INPP1: variants seen among roughly 807,000 people sequenced by gnomAD.
INPP1 encodes the protein inositol polyphosphate-1-phosphatase.
A neutral mutation model predicts 23.0 loss-of-function variants in INPP1; 18 were observed. That is an observed-to-expected ratio of 0.78 (90% CI 0.54 to 1.16). The LOEUF (loss-of-function observed/expected upper bound fraction) is 1.16. Ranked by LOEUF, INPP1 falls within the 50% of genes most tolerant of loss-of-function variation. The pLI is 0.00. For missense variants in INPP1, 448 were observed against 482.1 expected (o/e 0.93, Z 0.66); for synonymous variants, 164 against 176.3 (o/e 0.93, Z 0.55).
chr2:190,348,537 CA>C (rs1199354918), intron 1 of INPP1, among the ~76,000 whole-genome samples: 1 of 152,160 alleles, frequency 6.6e-6, no homozygotes, highest in Non-Finnish European at 1.5e-5. Flanking sequence ...ACCCATTAAA[CA>C]ATGACTCTAC....
rs547812681 is a variant in INPP1 at position 190,362,822 on chromosome 2, A to G, written c.265+135A>G. 1.8e-3 allele frequency: 870 copies of G among 491,926 alleles called. 4 individuals are homozygous for G. Among genetic ancestry groups the G allele is most frequent in the Non-Finnish European group, 2.5e-3 (700 of 280,916 alleles). 30.5% of individuals were successfully genotyped at this position (491,926 alleles called of 1,614,324 possible). A position where few individuals can be genotyped will look rare whatever the true frequency, so the allele number is the denominator to read the frequency against. On this transcript the variant is annotated intron_variant, in intron 4 of 6. Transcript: ENST00000392329. ...ATAATATATTTGAATGTTAAGGTTC[A>G]TTCAATTTCTACCTCAGAATATCAT...
At chr2:190,358,022 A>G (rs567569477) in intron 2 of INPP1, among the ~76,000 whole-genome samples, 14 of 150,436 alleles carry the variant, frequency 9.3e-5, no homozygotes, top group South Asian at 2.1e-4. Flanking sequence ...CATTGCATCT[A>G]TGTCTTCAGA....
intron 2 of INPP1, among the ~76,000 whole-genome samples, chr2:190,350,043 C>A (rs761239324): frequency 1.1e-4 from 17 of 152,166 alleles, no homozygotes; most frequent in Non-Finnish European, 2.2e-4. Flanking sequence ...CGGGATTTTG[C>A]CATGTTGGCC....
In INPP1 at chr2:190,370,989, G is replaced by T. The variant is rs773476623; in HGVS notation, c.787G>T (p.Val263Leu). The part of the protein sequence containing the change: ...EAAFSPSFSA[V>L]ISTSEKETIK... Reference sequence around the variant, plus strand: ...AGCATTCTCCCCCAGTTTTTCAGCCGTAATTAGTACAAGTGAAAAGGAGAC... The same window carrying T: ...AGCATTCTCCCCCAGTTTTTCAGCCTTAATTAGTACAAGTGAAAAGGAGAC... Residue 263 changes from valine (V) to leucine (L), a missense_variant, in exon 7 of 7, where the codon GTA becomes TTA. Coordinates refer to ENST00000392329, the MANE Select transcript of INPP1 (RefSeq NM_001128928.2). 1.9e-6 allele frequency: 3 copies of T among 1,614,156 alleles called. No homozygotes were observed. In the East Asian group the frequency reaches 6.7e-5, roughly 36 times the overall value.
Position 190,371,105 on chromosome 2 carries a change from C to T in INPP1, c.903C>T (p.Leu301=), listed in dbSNP as rs773177065. Residue 301 remains leucine (L), a synonymous_variant, in exon 7 of 7, where the codon CTC becomes CTT. Coordinates refer to ENST00000392329, the MANE Select transcript of INPP1 (RefSeq NM_001128928.2). The surrounding 1 kb of genome is among the most constrained non-coding windows in gnomAD (Gnocchi z 5.3). The part of the protein sequence containing the change: ...GYKSLCVVQG[L]VDIYIFSEDT... ...AGAGCCTATGTGTTGTCCAAGGCCT[C>T]GTTGACATTTACATCTTTTCAGAAG... 1.2e-6 allele frequency: 2 copies of T among 1,614,192 alleles called. No homozygotes were observed. The highest frequency in any genetic ancestry group is 1.7e-5 in the Admixed American group (1 of 60,026).
chr2:190,349,758 T>C (rs183314889), intron 2 of INPP1, among the ~76,000 whole-genome samples: 7 of 152,142 alleles, frequency 4.6e-5, no homozygotes, highest in African/African-American at 1.4e-4. Flanking sequence ...AATATCTAAA[T>C]GAACAAAGTT....
In INPP1 at chr2:190,370,862, T is replaced by C. The variant is rs745653935; in HGVS notation, c.660T>C (p.Tyr220=). The part of the protein sequence containing the change: ...PNTLRWKGQC[Y]WGLSYMGTNM... ...TCTACAGGTGGAAAGGACAGTGCTA[T>C]TGGGGCCTTTCTTACATGGGGACCA... Residue 220 remains tyrosine (Y), a synonymous_variant, in exon 7 of 7, where the codon TAT becomes TAC. Coordinates refer to ENST00000392329, the MANE Select transcript of INPP1 (RefSeq NM_001128928.2). 1.6e-5 allele frequency: 25 copies of C among 1,612,056 alleles called. No homozygotes were observed. The South Asian group carries it at 2.4e-4, about 16-fold the overall frequency.
In INPP1 at chr2:190,363,777, C is replaced by T. The variant is rs568190486; in HGVS notation, c.265+1090C>T. The stretch of plus-strand genomic sequence containing the variant: ...AAGCAATCTTACATTTAAAAATCTA[C>T]GCTTGACTACTTCACAAACAGCTAT... On this transcript the variant is annotated intron_variant, in intron 4 of 6. Coordinates refer to ENST00000392329, the MANE Select transcript of INPP1 (RefSeq NM_001128928.2). This position sits in a 1 kb window ranked among gnomAD's most constrained non-coding sequence, Gnocchi z 4.4. Among the ~76,000 whole-genome samples, 30 of 152,306 alleles carry T rather than the reference C, an allele frequency of 2.0e-4. No individual in the cohort carries two copies. Among genetic ancestry groups the T allele is most frequent in the South Asian group, 1.2e-3 (6 of 4,826 alleles).
At position 190,367,536 on chromosome 2, in the gene INPP1, C is replaced by G. The variant is rs1292149359; in HGVS notation, c.466+641C>G. Among the ~76,000 whole-genome samples the G allele has an allele frequency of 6.6e-6, 1 of 152,098 alleles. No homozygotes were observed. The highest frequency in any genetic ancestry group is 6.5e-5 in the Admixed American group (1 of 15,268). Reference sequence around the variant, plus strand: ...TTGTGATAGAACCATAATGTATAATCCATTGTTTTGAAAATGTAACCCTTT... The same window carrying G: ...TTGTGATAGAACCATAATGTATAATGCATTGTTTTGAAAATGTAACCCTTT... On this transcript the variant is annotated intron_variant, in intron 5 of 6. Coordinates refer to ENST00000392329, the MANE Select transcript of INPP1 (RefSeq NM_001128928.2). The surrounding 1 kb of genome is among the most constrained non-coding windows in gnomAD (Gnocchi z 4.1).
At chr2:190,348,158 C>T (rs1056780686) in intron 1 of INPP1, among the ~76,000 whole-genome samples, 1 of 151,990 alleles carries the variant, frequency 6.6e-6, no homozygotes, top group Non-Finnish European at 1.5e-5. Context: ...CAAAACAAAA[C>T]AAAACAAAAC....
intron 4 of INPP1, among the ~76,000 whole-genome samples, chr2:190,366,150 T>C (rs1689655880): frequency 6.6e-6 from 1 of 150,442 alleles, no homozygotes; most frequent in South Asian, 2.1e-4. Context: ...TCTCTCGCTC[T>C]TTCGCTGTCT....
At chr2:190,348,312 A>G (rs1392133729) in intron 1 of INPP1, among the ~76,000 whole-genome samples, 1 of 152,234 alleles carries the variant, frequency 6.6e-6, no homozygotes, top group Non-Finnish European at 1.5e-5. Context: ...GATGATAAAC[A>G]TCAAAAGCTT....
At chr2:190,353,126 C>T (rs922003798) in intron 2 of INPP1, among the ~76,000 whole-genome samples, 1 of 152,176 alleles carries the variant, frequency 6.6e-6, no homozygotes, top group Non-Finnish European at 1.5e-5. Flanking sequence ...TATGTCATCA[C>T]CCTTCTGTCA....
intron 4 of INPP1, among the ~76,000 whole-genome samples, chr2:190,364,332 A>T (rs536058938): frequency 6.6e-6 from 1 of 151,836 alleles, no homozygotes; most frequent in Non-Finnish European, 1.5e-5. Context: ...AAGGTCAGGA[A>T]ATTGAGTCCA....
In INPP1 at chr2:190,371,106, G is replaced by T. The variant is rs771309425; in HGVS notation, c.904G>T (p.Val302Phe). The T allele has an allele frequency of 6.2e-7, 1 of 1,614,196 alleles. No individual in the cohort carries two copies. ...YKSLCVVQGL[V>F]DIYIFSEDTT... ...GAGCCTATGTGTTGTCCAAGGCCTC[G>T]TTGACATTTACATCTTTTCAGAAGA... Residue 302 changes from valine to phenylalanine, a missense_variant, in exon 7 of 7, where the codon GTT becomes TTT. Transcript: ENST00000392329. The surrounding 1 kb of genome is among the most constrained non-coding windows in gnomAD (Gnocchi z 5.3).
rs1425284135 is a variant in INPP1, at chr2:190,370,787, A to T, written c.642-57A>T. 4.9e-6 allele frequency: 6 copies of T among 1,233,156 alleles called. No homozygotes were observed. The Admixed American group carries it at 1.3e-4, about 27-fold the overall frequency. 76.4% of individuals were successfully genotyped at this position (1,233,156 alleles called of 1,614,324 possible). Reference sequence around the variant, plus strand: ...TCGTATCATTAAGTTTGAAAGTGACATGAGTAATGAAAAACAAATGTGATA... The same window carrying T: ...TCGTATCATTAAGTTTGAAAGTGACTTGAGTAATGAAAAACAAATGTGATA... On this transcript the variant is annotated intron_variant, in intron 6 of 6. Coordinates refer to ENST00000392329, the MANE Select transcript of INPP1 (RefSeq NM_001128928.2).
At chr2:190,349,276 A>G (rs1047139560) in intron 2 of INPP1, among the ~76,000 whole-genome samples, 3 of 152,082 alleles carry the variant, frequency 2.0e-5, no homozygotes, top group Non-Finnish European at 4.4e-5. Flanking sequence ...ATCTCTACTA[A>G]AAATACAAAA....
At chr2:190,349,350 T>A (rs1689284549) in intron 2 of INPP1, among the ~76,000 whole-genome samples, 1 of 152,120 alleles carries the variant, frequency 6.6e-6, no homozygotes. Flanking sequence ...AGCAGGAGAA[T>A]CACTAGAGCC....
intron 4 of INPP1, among the ~76,000 whole-genome samples, chr2:190,365,838 A>T (rs1689634425): frequency 7.6e-6 from 1 of 131,758 alleles, no homozygotes; most frequent in Non-Finnish European, 1.6e-5. Context: ...TCTTTGTCTC[A>T]TTCTCTCGCT....
Sources: gnomAD v4.1 joint callset for allele counts (sites outside exome capture counted in the v4.1 genomes callset) on GRCh38, gnomAD v4.1.1 for gene constraint, Gnocchi (gnomAD v3.1) non-coding constraint, MANE v1.5 for transcripts, NCBI Gene and HGNC (gene_info 2026-07-23, HGNC 2026-07-21) for gene names.